Variants in MAGI3 observed in about 807,000 individuals in gnomAD.
MAGI3 encodes membrane-associated guanylate kinase, WW and PDZ domain-containing protein 3.
A neutral mutation model predicts 121.8 loss-of-function variants in MAGI3; 43 were observed. The observed-to-expected ratio is 0.35, with a 90% CI of 0.28 to 0.46. MAGI3 has a LOEUF of 0.46. MAGI3 is among the 20% of genes least tolerant of loss of function. The pLI, the probability that MAGI3 is intolerant of heterozygous loss-of-function variation, is 1.00. For missense variants in MAGI3, 1,547 were observed against 1,797.3 expected (o/e 0.86, Z 2.52); for synonymous variants, 553 against 639.3 (o/e 0.86, Z 2.04).
rs1197827872 is a variant in MAGI3, at chr1:113,569,370, T to A, written c.434-11172T>A. On this transcript the variant is annotated intron_variant, in intron 2 of 20. Transcript: ENST00000307546. ...ATACCCGTTTCTGTCAAGCCACCTTTTCTTTTCATTCCTTTCATTTTCTTA... is the reference window on the plus strand; with the variant it reads ...ATACCCGTTTCTGTCAAGCCACCTTATCTTTTCATTCCTTTCATTTTCTTA... 5.3e-5 allele frequency among the ~76,000 whole-genome samples: 8 copies of A among 152,276 alleles called. No homozygotes were observed. The East Asian group carries it at 1.5e-3, about 29-fold the overall frequency.
At chr1:113,570,719 G>A (rs917226945) in intron 2 of MAGI3, among the ~76,000 whole-genome samples, 4 of 152,066 alleles carry the variant, frequency 2.6e-5, no homozygotes, top group East Asian at 1.9e-4. Context: ...CATATCCTTC[G>A]CCCAATTTTT....
At chr1:113,448,574 A>G (rs1333726605) in intron 1 of MAGI3, among the ~76,000 whole-genome samples, 2 of 152,212 alleles carry the variant, frequency 1.3e-5, no homozygotes, top group African/African-American at 2.4e-5. Context: ...TTGCTGTGAC[A>G]TGCCTCCTCA....
chr1:113,527,821 C>T (rs543148009), intron 1 of MAGI3, among the ~76,000 whole-genome samples: 3 of 152,218 alleles, frequency 2.0e-5, no homozygotes, highest in Admixed American at 2.0e-4. Context: ...GTACCTATTG[C>T]TAGAATTAGT....
At chr1:113,536,146 T>G (rs964878687) in intron 1 of MAGI3, among the ~76,000 whole-genome samples, 8 of 37,320 alleles carry the variant, frequency 2.1e-4, no homozygotes, top group Non-Finnish European at 5.3e-4. Context: ...AGACATGTGT[T>G]TTTTTTTTTT....
intron 1 of MAGI3, among the ~76,000 whole-genome samples, chr1:113,468,533 A>C (rs1655397628): frequency 6.6e-6 from 1 of 152,206 alleles, no homozygotes; most frequent in African/African-American, 2.4e-5. Context: ...TGTATTGGAC[A>C]GGACAGCTCA....
intron 4 of MAGI3, among the ~76,000 whole-genome samples, chr1:113,589,975 T>C (rs1648595028): frequency 6.6e-6 from 1 of 152,068 alleles, no homozygotes; most frequent in Admixed American, 6.6e-5. Flanking sequence ...GTATAGCAGG[T>C]GAGAGCATGG....
chr1:113,482,575 A>C (rs1656162249), intron 1 of MAGI3, among the ~76,000 whole-genome samples: 1 of 150,914 alleles, frequency 6.6e-6, no homozygotes, highest in Admixed American at 6.6e-5. Flanking sequence ...AAGCTCAAGC[A>C]ATCCTCTTGC....
intron 6 of MAGI3, among the ~76,000 whole-genome samples, chr1:113,597,118 A>G (rs1242236029): frequency 3.3e-5 from 5 of 152,236 alleles, no homozygotes; most frequent in African/African-American, 1.2e-4. Context: ...GCTATAACCT[A>G]CAATGGAATA....
At chr1:113,507,401 T>A (rs1258275512) in intron 1 of MAGI3, among the ~76,000 whole-genome samples, 1 of 152,180 alleles carries the variant, frequency 6.6e-6, no homozygotes, top group Non-Finnish European at 1.5e-5. Flanking sequence ...TATTTTTCTG[T>A]TTTACATGGT....
At chr1:113,631,241 G>A (rs1651612246) in intron 9 of MAGI3, among the ~76,000 whole-genome samples, 1 of 152,164 alleles carries the variant, frequency 6.6e-6, no homozygotes, top group Non-Finnish European at 1.5e-5. Context: ...ATCTTCTTCA[G>A]TGTCTCTTTC....
At chr1:113,437,792 T>C (rs923838734) in intron 1 of MAGI3, among the ~76,000 whole-genome samples, 1 of 148,760 alleles carries the variant, frequency 6.7e-6, no homozygotes, top group Non-Finnish European at 1.5e-5. Flanking sequence ...TTCTTCTTCC[T>C]TCTTCTTTCT....
At chr1:113,600,487 A>G (rs951517774) in intron 6 of MAGI3, among the ~76,000 whole-genome samples, 1 of 152,044 alleles carries the variant, frequency 6.6e-6, no homozygotes, top group African/African-American at 2.4e-5. Flanking sequence ...TTCAAAGAGA[A>G]TAAAATACCT....
chr1:113,654,771 G>A (rs1275267638), intron 15 of MAGI3, among the ~76,000 whole-genome samples: 1 of 151,918 alleles, frequency 6.6e-6, no homozygotes, highest in Non-Finnish European at 1.5e-5. Context: ...AAATCCAGTT[G>A]AATATGAGAA....
intron 1 of MAGI3, among the ~76,000 whole-genome samples, chr1:113,419,929 A>G (rs1325425443): frequency 6.6e-6 from 1 of 152,092 alleles, no homozygotes; most frequent in Non-Finnish European, 1.5e-5. Flanking sequence ...TTATCAGTCT[A>G]GCCTCTCCTT....
chr1:113,676,036 TTCTCTCTCTCTCTCTCA>T (rs1220537516), intron 19 of MAGI3, among the ~76,000 whole-genome samples: 1 of 150,004 alleles, frequency 6.7e-6, no homozygotes, highest in Non-Finnish European at 1.5e-5. Context: ...CTATCTTCTC[TTCTCTCTCTCTCTCTCA>T]TCTCTCTCTC....
intron 1 of MAGI3, among the ~76,000 whole-genome samples, chr1:113,464,294 CCCGTTTCAT>C (rs759046490): frequency 6.6e-6 from 1 of 152,066 alleles, no homozygotes; most frequent in Non-Finnish European, 1.5e-5. Flanking sequence ...ATAATTACCT[CCCGTTTCAT>C]CCACATTGCT....
chr1:113,585,089 T>C (rs1344239403), intron 3 of MAGI3, among the ~76,000 whole-genome samples: 1 of 149,994 alleles, frequency 6.7e-6, no homozygotes, highest in Admixed American at 6.7e-5. Flanking sequence ...TGCCTCAGTC[T>C]CCCGAGTAAC....
chr1:113,408,616 A>G (rs1371034063), intron 1 of MAGI3, among the ~76,000 whole-genome samples: 1 of 152,134 alleles, frequency 6.6e-6, no homozygotes, highest in Admixed American at 6.6e-5. Context: ...TGTAAAATAA[A>G]CATTTTCACT....
At chr1:113,622,556 A>G (rs1344636563) in intron 8 of MAGI3, among the ~76,000 whole-genome samples, 1 of 152,174 alleles carries the variant, frequency 6.6e-6, no homozygotes, top group African/African-American at 2.4e-5. Context: ...TACTTTGCAC[A>G]TAAAACTCAG....
Sources: gnomAD v4.1 joint callset for allele counts (sites outside exome capture counted in the v4.1 genomes callset) on GRCh38, gnomAD v4.1.1 for gene constraint, MANE v1.5 for transcripts, NCBI Gene and HGNC (gene_info 2026-07-23, HGNC 2026-07-21) for gene names.